The following WNT3A variants were observed in gnomAD, a reference collection of about 807,000 sequenced individuals.
The protein encoded by WNT3A is protein Wnt-3a.
In WNT3A, 17 loss-of-function variants were observed where a neutral mutation model predicts 37.0. The ratio of observed to expected loss-of-function variants is 0.46; its 90% CI spans 0.31 to 0.69. The LOEUF (loss-of-function observed/expected upper bound fraction) is 0.69, where lower values mean the gene tolerates loss of function less well. Ranked by LOEUF, WNT3A falls within the 30% of genes least tolerant of loss-of-function variation. The pLI is 0.05. For synonymous variants in WNT3A, 187 were observed against 211.0 expected (o/e 0.89, Z 0.99); for missense variants, 411 against 510.2 (o/e 0.81, Z 1.87).
rs571484175 is a variant in WNT3A at position 228,042,141 on chromosome 1, G to A, written c.314-8515G>A. On this transcript the variant is annotated intron_variant, in intron 2 of 3. Transcript: ENST00000284523. The surrounding 1 kb of genome is among the most constrained non-coding windows in gnomAD (Gnocchi z 5.2). ...CTACAGGTGCACGCCACCATGCCCC[G>A]CTGATTTTTGTATTTTTAGTAGAGA... 5.3e-5 allele frequency among the ~76,000 whole-genome samples: 8 copies of A among 152,174 alleles called. 1 individual carries two copies. In the South Asian group the frequency reaches 6.2e-4, roughly 12 times the overall value.
intron 2 of WNT3A, among the ~76,000 whole-genome samples, chr1:228,047,023 G>T (rs1184470684): frequency 1.3e-5 from 2 of 152,146 alleles, no homozygotes; most frequent in East Asian, 3.9e-4. Flanking sequence ...AGAACCAGGA[G>T]GGGCAAATTG....
At chr1:228,018,671 C>T (rs1430174315) in intron 1 of WNT3A, among the ~76,000 whole-genome samples, 3 of 152,168 alleles carry the variant, frequency 2.0e-5, no homozygotes, top group Admixed American at 6.5e-5. Context: ...AGATTACAGG[C>T]ATGAGCCACC....
rs146171382 is a variant in WNT3A at position 228,060,148 on chromosome 1, G to T, written c.*683G>T. ...CCAATGGGGCGGGGCTTCTCTCCGC[G>T]GGTGGGACTCTTCCCTGGGAACCGC... is the stretch of plus-strand genomic sequence containing the variant. On this transcript the variant is annotated 3_prime_UTR_variant, in exon 4 of 4. Coordinates refer to ENST00000284523, the MANE Select transcript of WNT3A (RefSeq NM_033131.4). 5.2e-6 allele frequency: 7 copies of T among 1,346,550 alleles called. No individual in the cohort carries two copies. The highest frequency in any genetic ancestry group is 6.9e-6 in the Non-Finnish European group (7 of 1,018,348). The allele number at this position is 1,346,550 out of a possible 1,614,324, so 83.4% of individuals were successfully genotyped here.
chr1:228,010,087 G>A (rs2030325447), intron 1 of WNT3A, among the ~76,000 whole-genome samples: 1 of 152,218 alleles, frequency 6.6e-6, no homozygotes. Context: ...AGTGGCCCCA[G>A]CCTCCCAGCA....
chr1:228,035,863 ACCC>A (rs2102771252), intron 2 of WNT3A, among the ~76,000 whole-genome samples: 1 of 151,202 alleles, frequency 6.6e-6, no homozygotes, highest in Non-Finnish European at 1.5e-5. Flanking sequence ...TGATCCTACT[ACCC>A]CCTTCTCCTC....
chr1:228,046,659 TG>T (rs1274530811), intron 2 of WNT3A, among the ~76,000 whole-genome samples: 4 of 150,182 alleles, frequency 2.7e-5, no homozygotes, highest in South Asian at 2.1e-4. Flanking sequence ...TGTGCATGTG[TG>T]GGGGGGATGT....
rs756289627 is a variant in WNT3A at position 228,022,896 on chromosome 1, G to A, written c.301G>A (p.Val101Met). 21 of 1,608,898 alleles carry A rather than the reference G, an allele frequency of 1.3e-5. No homozygotes were observed. Among genetic ancestry groups the A allele is most frequent in the Admixed American group, 1.0e-4 (6 of 59,870 alleles). ...CGACAGCCTGGCCATCTTCGGGCCC[G>A]TGCTGGACAAAGGTATGGGGGTGGT... The part of the protein sequence containing the change: ...VHDSLAIFGP[V>M]LDKATRESAF... The change falls in exon 2 of 4, where the codon GTG becomes ATG. Residue 101 changes from valine to methionine, a missense_variant. Coordinates refer to ENST00000284523, the MANE Select transcript of WNT3A (RefSeq NM_033131.4).
chr1:228,008,403 G>C lies in WNT3A; in HGVS notation c.71+1204G>C, dbSNP rs903862399. ...TTTCTCTTCGAGATGGTTCAGGAGCGGGGGCTCCCGCGGTAGGGGCGCCGG... is the reference window on the plus strand; with the variant it reads ...TTTCTCTTCGAGATGGTTCAGGAGCCGGGGCTCCCGCGGTAGGGGCGCCGG... On this transcript the variant is annotated intron_variant, in intron 1 of 3. Coordinates refer to ENST00000284523, the MANE Select transcript of WNT3A (RefSeq NM_033131.4). The surrounding 1 kb of genome is among the most constrained non-coding windows in gnomAD (Gnocchi z 4.9). Among the ~76,000 whole-genome samples the C allele has an allele frequency of 2.0e-5, 3 of 152,222 alleles. No individual in the cohort carries two copies. The highest frequency in any genetic ancestry group is 4.8e-5 in the African/African-American group (2 of 41,472).
At chr1:228,025,795 G>C (rs2102766712) in intron 2 of WNT3A, among the ~76,000 whole-genome samples, 1 of 152,260 alleles carries the variant, frequency 6.6e-6, no homozygotes, top group East Asian at 1.9e-4. Context: ...TTTTGAGACA[G>C]TGTCTGGCTC....
rs771033634 is a variant in WNT3A, at chr1:228,007,184, G to A, written c.56G>A (p.Ser19Asn). 4 of 1,604,412 alleles carry A rather than the reference G, an allele frequency of 2.5e-6. No homozygotes were observed. The highest frequency in any genetic ancestry group is 3.4e-6 in the Non-Finnish European group (4 of 1,175,732). ...TGCAGCCTGAAGCAGGCTCTGGGCA[G>A]CTACCCGATCTGGTGGTGAGTGAGC... ...LLCSLKQALG[S>N]YPIWWSLAVG... Residue 19 changes from serine (S) to asparagine (N), a missense_variant, in exon 1 of 4, where the codon AGC (serine) becomes AAC (asparagine). Physicochemically the swap from Ser to Asn is conservative, Grantham distance 46. Transcript: ENST00000284523. The surrounding 1 kb of genome is among the most constrained non-coding windows in gnomAD (Gnocchi z 6.0).
Position 228,044,808 on chromosome 1 carries a change from C to T in WNT3A, c.314-5848C>T, listed in dbSNP as rs74143624. 1.2e-3 allele frequency among the ~76,000 whole-genome samples: 190 copies of T among 152,326 alleles called. 1 individual carries two copies. Among genetic ancestry groups the T allele is most frequent in the South Asian group, 8.3e-4 (4 of 4,828 alleles). Reference sequence around the variant, plus strand: ...TCAACTTTAATGCAGGCTCTCTTTGCCAGAACATAGGGTCTCACGCTTTTC... The same window carrying T: ...TCAACTTTAATGCAGGCTCTCTTTGTCAGAACATAGGGTCTCACGCTTTTC... On this transcript the variant is annotated intron_variant, in intron 2 of 3. Coordinates refer to ENST00000284523, the MANE Select transcript of WNT3A (RefSeq NM_033131.4).
intron 2 of WNT3A, among the ~76,000 whole-genome samples, chr1:228,041,774 A>T (rs1558291818): frequency 6.6e-6 from 1 of 152,108 alleles, no homozygotes; most frequent in African/African-American, 2.4e-5. Context: ...CAGGCAAAAA[A>T]CCTAACACAC....
chr1:228,049,794 C>CT (rs999670493), intron 2 of WNT3A, among the ~76,000 whole-genome samples: 61 of 151,956 alleles, frequency 4.0e-4, no homozygotes, highest in African/African-American at 1.2e-3. Flanking sequence ...TTCCTTGTGC[C>CT]TTTTTTTTAA....
Position 228,058,924 on chromosome 1 carries a change from G to A in WNT3A, c.580-62G>A, listed in dbSNP as rs961210487. On this transcript the variant is annotated intron_variant, in intron 3 of 3. Coordinates refer to ENST00000284523, the MANE Select transcript of WNT3A (RefSeq NM_033131.4). ...TAGGCTGCAGGCGACATGTAATGCT[G>A]TTTCCTCGGGGAGACGCACCAGGGG... is the stretch of plus-strand genomic sequence containing the variant. The A allele has an allele frequency of 1.4e-5, 21 of 1,487,254 alleles. No individual in the cohort carries two copies. In the African/African-American group the frequency reaches 2.6e-4, roughly 19 times the overall value. 92.1% of individuals were successfully genotyped at this position (1,487,254 alleles called of 1,614,324 possible).
At chr1:228,033,737 T>C (rs1045281617) in intron 2 of WNT3A, among the ~76,000 whole-genome samples, 1 of 151,388 alleles carries the variant, frequency 6.6e-6, no homozygotes. Flanking sequence ...AATGTGTAGA[T>C]CGGTTTGGGA....
chr1:228,059,934 G>T lies in WNT3A; in HGVS notation c.*469G>T. On this transcript the variant is annotated 3_prime_UTR_variant, in exon 4 of 4. Transcript: ENST00000284523. ...GGCTCTAGGATGGGGCACGGCTCTG[G>T]GGTAGGCTGCTCCCTGAGGGCGGAG... The T allele has an allele frequency of 9.1e-7, 1 of 1,103,384 alleles. No individual in the cohort carries two copies. Among genetic ancestry groups the T allele is most frequent in the Non-Finnish European group, 1.1e-6 (1 of 896,936 alleles). The allele number at this position is 1,103,384 out of a possible 1,614,324, so 68.3% of individuals were successfully genotyped here. A position where few individuals can be genotyped will look rare whatever the true frequency, so the allele number is the denominator to read the frequency against.
At position 228,059,460 on chromosome 1, in the gene WNT3A, A is replaced by C; in HGVS notation, c.1054A>C (p.Lys352Gln). The C allele has an allele frequency of 6.6e-7, 1 of 1,505,828 alleles. No individual in the cohort carries two copies. Among genetic ancestry groups the C allele is most frequent in the Non-Finnish European group, 8.8e-7 (1 of 1,133,614 alleles). 93.3% of individuals were successfully genotyped at this position (1,505,828 alleles called of 1,614,324 possible). A position where few individuals can be genotyped will look rare whatever the true frequency, so the allele number is the denominator to read the frequency against. The change falls in exon 4 of 4, where the codon AAG (lysine) becomes CAG (glutamine). Residue 352 changes from lysine to glutamine, a missense_variant. Transcript: ENST00000284523. The stretch of plus-strand genomic sequence containing the variant: ...GCGCGTCTACGACGTGCACACCTGC[A>C]AGTAGGCACCGGCCGCGGCTCCCCC... ...CTRVYDVHTC[K>Q]
intron 1 of WNT3A, among the ~76,000 whole-genome samples, chr1:228,015,838 T>C (rs2030516993): frequency 6.6e-6 from 1 of 151,876 alleles, no homozygotes; most frequent in Non-Finnish European, 1.5e-5. Context: ...AAGGGGAGAT[T>C]GGAGAATTCA....
rs746310728 is a variant in WNT3A, at chr1:228,058,956, C to A, written c.580-30C>A. The A allele has an allele frequency of 4.4e-6, 7 of 1,583,218 alleles. No individual in the cohort carries two copies. The Admixed American group carries it at 1.2e-4, about 28-fold the overall frequency. ...CGGGGAGACGCACCAGGGGGCCGCCCTGACGCTGGCTCCTGCGCGTGCCCC... is the reference window on the plus strand; with the variant it reads ...CGGGGAGACGCACCAGGGGGCCGCCATGACGCTGGCTCCTGCGCGTGCCCC... On this transcript the variant is annotated intron_variant, in intron 3 of 3. Coordinates refer to ENST00000284523, the MANE Select transcript of WNT3A (RefSeq NM_033131.4).
Sources: gnomAD v4.1 joint callset for allele counts (sites outside exome capture counted in the v4.1 genomes callset) on GRCh38, gnomAD v4.1.1 for gene constraint, Gnocchi (gnomAD v3.1) non-coding constraint, MANE v1.5 for transcripts, NCBI Gene and HGNC (gene_info 2026-07-23, HGNC 2026-07-21) for gene names.